Variants in PREPL observed in about 807,000 individuals in gnomAD.
PREPL encodes the protein prolyl endopeptidase like.
PREPL carries 77 observed loss-of-function variants against 70.6 expected under a neutral mutation model. The observed-to-expected ratio is 1.09, with a 90% CI of 0.91 to 1.32. PREPL has a LOEUF of 1.32. Among genes scored for constraint, PREPL ranks in the 40% most tolerant of loss-of-function variants. The pLI, the probability that PREPL is intolerant of heterozygous loss-of-function variation, is 0.00. For missense variants in PREPL, 1,002 were observed against 778.2 expected (o/e 1.29, Z -3.42); for synonymous variants, 315 against 264.8 (o/e 1.19, Z -1.84).
At position 44,323,370 on chromosome 2, in the gene PREPL, T is replaced by C. The variant is rs768082974; in HGVS notation, c.1521A>G (p.Thr507=). The C allele has an allele frequency of 1.2e-6, 2 of 1,606,480 alleles. No homozygotes were observed. Reference sequence around the variant, plus strand: ...CTAATTCTTCTAATGTCAGAGGAAGTGTAGTGTCCATCATGGTGTTGAGAA... The same window carrying C: ...CTAATTCTTCTAATGTCAGAGGAAGCGTAGTGTCCATCATGGTGTTGAGAA... ...LDVLNTMMDT[T]LPLTLEELEE... Residue 507 remains threonine, a synonymous_variant, in exon 11 of 14, where the codon ACA becomes ACG. Transcript: ENST00000409411.
rs1436090495 is a variant in PREPL at position 44,344,564 on chromosome 2, TAAAC to T, written c.94_97del (p.Val32IlefsTer32). ...AACCAAGCAACAACCTTCTTGGTAA[TAAAC>T]AAAACCACCATGTTTAACCTGACAA... On this transcript the variant is annotated frameshift_variant, in exon 3 of 14. Coordinates refer to ENST00000409411, the MANE Select transcript of PREPL (RefSeq NM_001171613.2). LOFTEE classifies it high-confidence loss of function. The T allele has an allele frequency of 2.5e-6, 4 of 1,605,018 alleles. No individual in the cohort carries two copies. Among genetic ancestry groups the T allele is most frequent in the Non-Finnish European group, 3.4e-6 (4 of 1,176,000 alleles).
At chr2:44,329,871 C>G (rs1326548389) in intron 8 of PREPL, among the ~76,000 whole-genome samples, 1 of 152,024 alleles carries the variant, frequency 6.6e-6, no homozygotes, top group Non-Finnish European at 1.5e-5. Flanking sequence ...ACCTTTCACA[C>G]AAAAAAGATA....
At chr2:44,324,311 G>C (rs1004307424) in intron 10 of PREPL, among the ~76,000 whole-genome samples, 4 of 152,104 alleles carry the variant, frequency 2.6e-5, no homozygotes, top group Non-Finnish European at 5.9e-5. Context: ...GATGAAAAAC[G>C]AGTTCTGGAG....
At position 44,338,988 on chromosome 2, in the gene PREPL, T is replaced by C. The variant is rs72804938; in HGVS notation, c.702+159A>G. Among the ~76,000 whole-genome samples the C allele has an allele frequency of 2.9e-3, 438 of 152,342 alleles. 2 individuals are homozygous for C. The highest frequency in any genetic ancestry group is 4.9e-3 in the Non-Finnish European group (331 of 68,032). ...ACTTTTTAGGCACAATTAAAATATG[T>C]AGAGGCATTAGCTCTAAGGGAAAAG... On this transcript the variant is annotated intron_variant, in intron 6 of 13. Transcript: ENST00000409411.
Position 44,320,276 on chromosome 2 carries a change from C to T in PREPL, c.*1080G>A. 1 of 1,614,100 alleles carries T rather than the reference C, an allele frequency of 6.2e-7. No homozygotes were observed. The highest frequency in any genetic ancestry group is 8.5e-7 in the Non-Finnish European group (1 of 1,179,954). On this transcript the variant is annotated 3_prime_UTR_variant, in exon 14 of 14. Transcript: ENST00000409411. Reference sequence around the variant, plus strand: ...TACTTCATGCCAATGAGCTACTCCTCAACAGGGGCTGGTTTTGCCATTTGA... The same window carrying T: ...TACTTCATGCCAATGAGCTACTCCTTAACAGGGGCTGGTTTTGCCATTTGA...
chr2:44,359,429 C>T, intron 1 of PREPL: 1 of 1,170,254 alleles, frequency 8.5e-7, no homozygotes, highest in Non-Finnish European at 1.2e-6. Flanking sequence ...ATATTCTACC[C>T]ATTCTTTATT....
chr2:44,336,601 AAAAT>A (rs1319298603), intron 7 of PREPL, among the ~76,000 whole-genome samples: 1 of 152,162 alleles, frequency 6.6e-6, no homozygotes, highest in African/African-American at 2.4e-5. Context: ...CCTGGGTGAC[AAAAT>A]AATACGTATA....
Position 44,343,627 on chromosome 2 carries a change from C to A in PREPL, c.349+118G>T. 6.0e-6 allele frequency: 5 copies of A among 839,620 alleles called. No homozygotes were observed. In the South Asian group the frequency reaches 6.3e-5, roughly 11 times the overall value. The allele number at this position is 839,620 out of a possible 1,614,324, so 52.0% of individuals were successfully genotyped here. Reference sequence around the variant, plus strand: ...GAGGTACATAGGAAGATGTATAGTCCATAGGGATACATGAATCAGGCATTC... The same window carrying A: ...GAGGTACATAGGAAGATGTATAGTCAATAGGGATACATGAATCAGGCATTC... On this transcript the variant is annotated intron_variant, in intron 4 of 13. Coordinates refer to ENST00000409411, the MANE Select transcript of PREPL (RefSeq NM_001171613.2).
intron 8 of PREPL, among the ~76,000 whole-genome samples, chr2:44,331,677 T>C (rs1208699038): frequency 6.6e-6 from 1 of 152,132 alleles, no homozygotes; most frequent in Non-Finnish European, 1.5e-5. Context: ...TAAAATCCCT[T>C]TGCTCTATGC....
At chr2:44,328,268 CAAAA>C (rs1202363557) in intron 9 of PREPL, among the ~76,000 whole-genome samples, 3 of 102,874 alleles carry the variant, frequency 2.9e-5, no homozygotes, top group African/African-American at 4.0e-5. Context: ...GATTCTATCT[CAAAA>C]AAAAAAAAAA....
intron 7 of PREPL, among the ~76,000 whole-genome samples, chr2:44,337,695 A>G (rs1213569978): frequency 1.3e-5 from 2 of 152,314 alleles, no homozygotes; most frequent in Admixed American, 6.5e-5. Flanking sequence ...AAACTAGGCA[A>G]TAAGGTTGTC....
chr2:44,321,176 T>G lies in PREPL; in HGVS notation c.*180A>C. 1.7e-6 allele frequency: 1 copy of G among 592,524 alleles called. No individual in the cohort carries two copies. The highest frequency in any genetic ancestry group is 3.0e-6 in the Non-Finnish European group (1 of 330,652). The allele number at this position is 592,524 out of a possible 1,614,324, so 36.7% of individuals were successfully genotyped here. On this transcript the variant is annotated 3_prime_UTR_variant, in exon 14 of 14. Coordinates refer to ENST00000409411, the MANE Select transcript of PREPL (RefSeq NM_001171613.2). ...CTAGGTTAATGGGCATGTGCATCAATGGAGAGAATAGTATAAGCAAGTGAG... is the reference window on the plus strand; with the variant it reads ...CTAGGTTAATGGGCATGTGCATCAAGGGAGAGAATAGTATAAGCAAGTGAG...
intron 5 of PREPL, among the ~76,000 whole-genome samples, chr2:44,341,430 G>A (rs1042650296): frequency 2.6e-5 from 4 of 151,800 alleles, no homozygotes; most frequent in African/African-American, 9.7e-5. Context: ...ATATATAATT[G>A]TAGGGCAAGT....
chr2:44,326,992 G>T (rs536229027), intron 9 of PREPL, 64 bp from the exon 10 acceptor site: 28 of 1,388,398 alleles, frequency 2.0e-5, no homozygotes, highest in Non-Finnish European at 2.6e-5. Flanking sequence ...GCTGGGGTCA[G>T]CGAACTACAC....
Position 44,320,439 on chromosome 2 carries a change from ATAAGGT to A in PREPL, c.*911_*916del. 6.2e-7 allele frequency: 1 copy of A among 1,614,142 alleles called. No individual in the cohort carries two copies. The highest frequency in any genetic ancestry group is 1.1e-5 in the South Asian group (1 of 91,084). Reference sequence around the variant, plus strand: ...TTCGGGCCTTCCCGCTAAAATGAGAATAAGGTTAAGTACCAATTCTGCCGACAAAGG... The same window carrying A: ...TTCGGGCCTTCCCGCTAAAATGAGAATAAGTACCAATTCTGCCGACAAAGG... On this transcript the variant is annotated 3_prime_UTR_variant, in exon 14 of 14. Transcript: ENST00000409411.
intron 1 of PREPL, among the ~76,000 whole-genome samples, chr2:44,354,532 G>A (rs936062117): frequency 2.0e-5 from 3 of 151,638 alleles, no homozygotes; most frequent in African/African-American, 7.3e-5. Flanking sequence ...AACTGCTACT[G>A]AAATCTCCAC....
At chr2:44,348,530 T>G (rs554390262) in intron 1 of PREPL, among the ~76,000 whole-genome samples, 37 of 152,318 alleles carry the variant, frequency 2.4e-4, no homozygotes, top group Non-Finnish European at 5.0e-4. Context: ...TGGAGCTGGG[T>G]TCTGTCACTT....
chr2:44,321,701 G>T, intron 13 of PREPL, 126 bp downstream of exon 13: 1 of 1,579,392 alleles, frequency 6.3e-7, no homozygotes, highest in Non-Finnish European at 8.6e-7. Flanking sequence ...CCCCTCCTGG[G>T]TCTCACCCAT....
rs761211666 is a variant in PREPL, at chr2:44,320,400, CT to C, written c.*955del. Reference sequence around the variant, plus strand: ...TTTTGGAGAATCAACACTGTTAAATCTACATAATATGATTTCGGGCCTTCCC... The same window carrying C: ...TTTTGGAGAATCAACACTGTTAAATCACATAATATGATTTCGGGCCTTCCC... On this transcript the variant is annotated 3_prime_UTR_variant, in exon 14 of 14. Transcript: ENST00000409411. 2 of 1,614,042 alleles carry C rather than the reference CT, an allele frequency of 1.2e-6. No homozygotes were observed. The highest frequency in any genetic ancestry group is 4.5e-5 in the East Asian group (2 of 44,882).
Sources: allele counts gnomAD v4.1 joint callset (sites outside exome capture counted in the v4.1 genomes callset), GRCh38; gene constraint gnomAD v4.1.1; transcripts MANE v1.5; gene names NCBI Gene and HGNC (gene_info 2026-07-23, HGNC 2026-07-21).